Variants in SPOCK3 observed in about 807,000 individuals in gnomAD.
The protein encoded by SPOCK3 is SPARC (osteonectin), cwcv and kazal like domains proteoglycan 3, also known as testican-3.
In SPOCK3, 30 loss-of-function variants were observed where a neutral mutation model predicts 56.6. That is an observed-to-expected ratio of 0.53 (90% CI 0.40 to 0.72). The LOEUF is 0.72. SPOCK3 is among the 30% of genes least tolerant of loss of function. The pLI is 0.00. For synonymous variants in SPOCK3, 196 were observed against 183.3 expected (o/e 1.07, Z -0.56); for missense variants, 527 against 530.0 (o/e 0.99, Z 0.06).
chr4:166,874,935 C>T (rs1038767379), intron 6 of SPOCK3, among the ~76,000 whole-genome samples: 2 of 152,096 alleles, frequency 1.3e-5, no homozygotes, highest in African/African-American at 4.8e-5. Flanking sequence ...GAAAGTTGTT[C>T]TAGTCTGCCC....
At chr4:167,057,285 A>C (rs1755004321) in intron 3 of SPOCK3, among the ~76,000 whole-genome samples, 1 of 152,206 alleles carries the variant, frequency 6.6e-6, no homozygotes, top group South Asian at 2.1e-4. Context: ...TCCTCAAGGA[A>C]GCACTAAACA....
chr4:166,865,573 T>C (rs1731740754), intron 6 of SPOCK3, among the ~76,000 whole-genome samples: 1 of 152,152 alleles, frequency 6.6e-6, no homozygotes, highest in South Asian at 2.1e-4. Flanking sequence ...ATAAGCAACT[T>C]CAGCAAAGTC....
chr4:167,220,482 A>G (rs1487109173), intron 2 of SPOCK3, among the ~76,000 whole-genome samples: 1 of 150,754 alleles, frequency 6.6e-6, no homozygotes, highest in African/African-American at 2.5e-5. Context: ...GGATCAAGCA[A>G]TCCTCCCACC....
intron 8 of SPOCK3, among the ~76,000 whole-genome samples, chr4:166,745,536 G>A (rs541172172): frequency 9.9e-5 from 15 of 152,160 alleles, no homozygotes; most frequent in Non-Finnish European, 2.2e-4. Flanking sequence ...GCAAAAACAT[G>A]CCAAATTGTA....
chr4:167,122,260 A>G (rs921217283), intron 2 of SPOCK3, among the ~76,000 whole-genome samples: 13 of 151,828 alleles, frequency 8.6e-5, no homozygotes, highest in Non-Finnish European at 1.6e-4. Context: ...GGGCTCAAGT[A>G]ATCCTTCTAG....
intron 4 of SPOCK3, among the ~76,000 whole-genome samples, chr4:166,939,200 G>A (rs1196756383): frequency 6.6e-6 from 1 of 152,016 alleles, no homozygotes; most frequent in African/African-American, 2.4e-5. Context: ...TTAAAAACTA[G>A]GTGATGGAAT....
chr4:166,992,487 T>C (rs1450991215), intron 4 of SPOCK3, among the ~76,000 whole-genome samples: 1 of 152,150 alleles, frequency 6.6e-6, no homozygotes, highest in Admixed American at 6.5e-5. Flanking sequence ...TCATTATTCT[T>C]AATAGGCAGC....
At chr4:166,797,994 T>C (rs1742146856) in intron 6 of SPOCK3, among the ~76,000 whole-genome samples, 1 of 152,158 alleles carries the variant, frequency 6.6e-6, no homozygotes, top group Admixed American at 6.5e-5. Context: ...AAGATTACAA[T>C]GGAGCTGAAA....
At chr4:167,014,276 G>GTTT (rs35966501) in intron 3 of SPOCK3, among the ~76,000 whole-genome samples, 8 of 138,910 alleles carry the variant, frequency 5.8e-5, no homozygotes, top group East Asian at 4.2e-4. Context: ...TCTTGAGTGG[G>GTTT]TTTTTTTTTT....
chr4:167,232,348 TAAAAA>T (rs67711117), intron 2 of SPOCK3, among the ~76,000 whole-genome samples: 3 of 145,348 alleles, frequency 2.1e-5, no homozygotes, highest in Non-Finnish European at 3.0e-5. Context: ...TTGATTTTAT[TAAAAA>T]AAAAAAAAAC....
chr4:166,928,590 A>G lies in SPOCK3; in HGVS notation c.351-15847T>C, dbSNP rs59120044. ...TTTTAGTGGAGTGAAACTACTCTGT[A>G]TGATAGTATAATGGTAGATACATGT... On this transcript the variant is annotated intron_variant, in intron 4 of 10. Coordinates refer to ENST00000357545, the MANE Select transcript of SPOCK3 (RefSeq NM_001040159.2). Among the ~76,000 whole-genome samples, 4 of 152,310 alleles carry G rather than the reference A, an allele frequency of 2.6e-5. No individual in the cohort carries two copies. In the East Asian group the frequency reaches 7.7e-4, roughly 29 times the overall value.
At chr4:166,883,739 T>C (rs1457483490) in intron 6 of SPOCK3, among the ~76,000 whole-genome samples, 2 of 152,218 alleles carry the variant, frequency 1.3e-5, no homozygotes, top group Non-Finnish European at 2.9e-5. Context: ...CAACAGCATA[T>C]GAATCATTAA....
At chr4:167,073,170 T>C (rs1434449283) in intron 2 of SPOCK3, among the ~76,000 whole-genome samples, 2 of 151,708 alleles carry the variant, frequency 1.3e-5, no homozygotes, top group Non-Finnish European at 3.0e-5. Context: ...TATCTTAGTG[T>C]TCATAATTCA....
chr4:167,161,040 A>T (rs530023176), intron 2 of SPOCK3, among the ~76,000 whole-genome samples: 47 of 152,324 alleles, frequency 3.1e-4, no homozygotes, highest in African/African-American at 9.6e-4. Flanking sequence ...CAAAATTGAC[A>T]AATGGGATCT....
chr4:166,890,138 T>C (rs1443487792), intron 5 of SPOCK3, among the ~76,000 whole-genome samples: 1 of 151,976 alleles, frequency 6.6e-6, no homozygotes, highest in Non-Finnish European at 1.5e-5. Context: ...AAAAACAGTA[T>C]AGCATGCCTC....
At chr4:166,771,600 T>C (rs1738940288) in intron 7 of SPOCK3, among the ~76,000 whole-genome samples, 1 of 152,104 alleles carries the variant, frequency 6.6e-6, no homozygotes, top group Admixed American at 6.6e-5. Flanking sequence ...ATGAATTTCA[T>C]TTATTTTTAG....
At chr4:167,120,275 G>T (rs763867928) in intron 2 of SPOCK3, among the ~76,000 whole-genome samples, 13 of 151,998 alleles carry the variant, frequency 8.6e-5, no homozygotes, top group South Asian at 2.1e-4. Flanking sequence ...TATATAAAGT[G>T]GAAATGACAG....
At chr4:166,805,357 T>C (rs547601013) in intron 6 of SPOCK3, among the ~76,000 whole-genome samples, 3 of 152,214 alleles carry the variant, frequency 2.0e-5, no homozygotes, top group Admixed American at 6.5e-5. Flanking sequence ...TTATAATACA[T>C]ATAAAACAAA....
intron 3 of SPOCK3, among the ~76,000 whole-genome samples, chr4:167,042,134 T>C (rs76213266): frequency 1.7e-3 from 264 of 152,292 alleles, no homozygotes; most frequent in African/African-American, 6.0e-3. Flanking sequence ...AGTCATCCTT[T>C]AGCACTGGCA....
Sources: allele counts gnomAD v4.1 joint callset (sites outside exome capture counted in the v4.1 genomes callset), GRCh38; gene constraint gnomAD v4.1.1; transcripts MANE v1.5; gene names NCBI Gene and HGNC (gene_info 2026-07-23, HGNC 2026-07-21).